The following ZCCHC4 variants were observed in gnomAD, a reference collection of about 807,000 sequenced individuals.
ZCCHC4 encodes the protein zinc finger CCHC-type containing 4, also known as rRNA N(6)-adenosine-methyltransferase ZCCHC4.
A neutral mutation model predicts 67.7 loss-of-function variants in ZCCHC4; 54 were observed. The observed-to-expected ratio is 0.80, with a 90% CI of 0.64 to 1.00. ZCCHC4 has a LOEUF of 1.00. ZCCHC4 is among the 50% of genes least tolerant of loss of function. The probability of loss-of-function intolerance (pLI) is 0.00; values close to 1 mark genes in which losing one functional copy is unlikely to be tolerated. For missense variants in ZCCHC4, 609 were observed against 617.0 expected (o/e 0.99, Z 0.14); for synonymous variants, 198 against 213.5 (o/e 0.93, Z 0.63).
chr4:25,330,991 C>T (rs1303000402), intron 3 of ZCCHC4, among the ~76,000 whole-genome samples: 1 of 152,104 alleles, frequency 6.6e-6, no homozygotes, highest in Non-Finnish European at 1.5e-5. Flanking sequence ...TCCTGTCCTC[C>T]CTGGTTATTC....
At chr4:25,349,297 C>T (rs1006514424) in intron 6 of ZCCHC4, among the ~76,000 whole-genome samples, 195 bp from the exon 7 acceptor site, 1 of 152,098 alleles carries the variant, frequency 6.6e-6, no homozygotes, top group Non-Finnish European at 1.5e-5. Context: ...ACCTGCTTAT[C>T]AAAGAACCCA....
At chr4:25,349,447 C>A in intron 6 of ZCCHC4, 45 bp from the exon 7 acceptor site, 1 of 1,582,556 alleles carries the variant, frequency 6.3e-7, no homozygotes, top group Non-Finnish European at 8.6e-7. Context: ...GGATGAAGTG[C>A]CTCTCTCTAG....
intron 8 of ZCCHC4, among the ~76,000 whole-genome samples, chr4:25,360,654 T>C (rs1720694271): frequency 6.6e-6 from 1 of 152,210 alleles, no homozygotes; most frequent in East Asian, 1.9e-4. Flanking sequence ...AGCAGCAGAG[T>C]ATGCTGAGTA....
At chr4:25,334,093 C>A in intron 5 of ZCCHC4, 105 bp downstream of exon 5, 1 of 634,464 alleles carries the variant, frequency 1.6e-6, no homozygotes, top group Non-Finnish European at 2.4e-6. Flanking sequence ...TAGTTTACAT[C>A]TAGAAGTAGT....
rs1347729118 is a variant in ZCCHC4 at position 25,359,762 on chromosome 4, G to A, written c.1012-2097G>A. Among the ~76,000 whole-genome samples, 1 of 152,220 alleles carries A rather than the reference G, an allele frequency of 6.6e-6. No homozygotes were observed. The highest frequency in any genetic ancestry group is 1.5e-5 in the Non-Finnish European group (1 of 68,038). On this transcript the variant is annotated intron_variant, in intron 8 of 12. Transcript: ENST00000302874. The surrounding 1 kb of genome is among the most constrained non-coding windows in gnomAD (Gnocchi z 4.9). ...ACCCAAGCAGGAGAAGAATGTTTCT[G>A]CGCGACCTGGTCCCACCCTGGCACT...
chr4:25,328,428 T>C (rs916583240), intron 3 of ZCCHC4, among the ~76,000 whole-genome samples: 1 of 152,038 alleles, frequency 6.6e-6, no homozygotes, highest in African/African-American at 2.4e-5. Context: ...TTCGTAGAGA[T>C]GGGGTTTTGC....
At chr4:25,350,780 T>C (rs1720266928) in intron 7 of ZCCHC4, among the ~76,000 whole-genome samples, 1 of 152,118 alleles carries the variant, frequency 6.6e-6, no homozygotes, top group Non-Finnish European at 1.5e-5. Flanking sequence ...CTAATTAGAG[T>C]GGATAAAGTC....
chr4:25,327,051 C>T (rs1480723296), intron 3 of ZCCHC4, among the ~76,000 whole-genome samples: 74 of 152,166 alleles, frequency 4.9e-4, no homozygotes. Flanking sequence ...ATTTTGAAAT[C>T]TTGATAAGCT....
chr4:25,315,712 GTTTT>G (rs3067788), intron 3 of ZCCHC4, among the ~76,000 whole-genome samples: 54 of 131,940 alleles, frequency 4.1e-4, no homozygotes, highest in African/African-American at 1.1e-3. Context: ...ATTTTTGTGT[GTTTT>G]TTTTTTTTTT....
At chr4:25,350,120 A>G (rs1410216246) in intron 7 of ZCCHC4, among the ~76,000 whole-genome samples, 2 of 151,968 alleles carry the variant, frequency 1.3e-5, no homozygotes, top group African/African-American at 4.8e-5. Flanking sequence ...ATGAGTTTGG[A>G]GGTTAGACAT....
At chr4:25,319,574 A>G (rs1241381188) in intron 3 of ZCCHC4, among the ~76,000 whole-genome samples, 7 of 152,126 alleles carry the variant, frequency 4.6e-5, no homozygotes, top group African/African-American at 1.7e-4. Context: ...ATGCTTTATT[A>G]TATGCTTTCT....
intron 3 of ZCCHC4, 57 bp downstream of exon 3, chr4:25,315,457 G>A: frequency 7.6e-7 from 1 of 1,322,426 alleles, no homozygotes; most frequent in East Asian, 2.5e-5. Context: ...TTTTGTTATT[G>A]CCTTTTTCTG....
chr4:25,343,458 C>T (rs1023553938), intron 5 of ZCCHC4, among the ~76,000 whole-genome samples: 14 of 152,142 alleles, frequency 9.2e-5, no homozygotes, highest in African/African-American at 2.4e-4. Flanking sequence ...TAAATATTTA[C>T]GCTGCTAATT....
chr4:25,353,494 G>A (rs186269422), intron 8 of ZCCHC4, among the ~76,000 whole-genome samples: 4 of 152,292 alleles, frequency 2.6e-5, no homozygotes, highest in East Asian at 1.9e-4. Context: ...TTTGCAATAC[G>A]GAGATAGCTG....
Position 25,349,506 on chromosome 4 carries a change from A to C in ZCCHC4, c.774A>C (p.Val258=), listed in dbSNP as rs1283289805. ...ATTTGTTCCAGACTGCCCTTGAAGT[A>C]TGCAGAGCATTTTTACAGGAAGATA... ...HFFDGKTALE[V]CRAFLQEDKG... The change falls in exon 7 of 13, where the codon GTA becomes GTC. Residue 258 remains valine (V), a synonymous_variant. Transcript: ENST00000302874. The C allele has an allele frequency of 6.2e-7, 1 of 1,613,930 alleles. No individual in the cohort carries two copies. The highest frequency in any genetic ancestry group is 8.5e-7 in the Non-Finnish European group (1 of 1,179,860).
chr4:25,357,400 C>A (rs1720560335), intron 8 of ZCCHC4, among the ~76,000 whole-genome samples: 1 of 152,200 alleles, frequency 6.6e-6, no homozygotes, highest in Non-Finnish European at 1.5e-5. Context: ...TCCAAATAGG[C>A]CAACTGTGAG....
intron 3 of ZCCHC4, among the ~76,000 whole-genome samples, chr4:25,323,748 G>A (rs1034920110): frequency 6.6e-6 from 1 of 152,126 alleles, no homozygotes; most frequent in Admixed American, 6.5e-5. Flanking sequence ...ACTGAGGTAT[G>A]ATACTTTACA....
intron 3 of ZCCHC4, among the ~76,000 whole-genome samples, chr4:25,320,828 C>T (rs1354455092): frequency 3.9e-5 from 6 of 152,236 alleles, no homozygotes; most frequent in Admixed American, 3.3e-4. Flanking sequence ...AGTTAATTGA[C>T]AAGGCACAAA....
At chr4:25,354,098 A>G (rs1207134407) in intron 8 of ZCCHC4, among the ~76,000 whole-genome samples, 4 of 152,274 alleles carry the variant, frequency 2.6e-5, no homozygotes, top group Non-Finnish European at 2.9e-5. Flanking sequence ...TGTTACATCC[A>G]TATTTAGAGA....
Sources: gnomAD v4.1 joint callset for allele counts (sites outside exome capture counted in the v4.1 genomes callset) on GRCh38, gnomAD v4.1.1 for gene constraint, Gnocchi (gnomAD v3.1) non-coding constraint, MANE v1.5 for transcripts, NCBI Gene and HGNC (gene_info 2026-07-23, HGNC 2026-07-21) for gene names.